PCDHA8: variants seen among roughly 807,000 people sequenced by gnomAD.
The protein encoded by PCDHA8 is protocadherin alpha 8.
A neutral mutation model predicts 61.8 loss-of-function variants in PCDHA8; 53 were observed. The observed-to-expected ratio is 0.86, with a 90% CI of 0.69 to 1.08. The LOEUF (loss-of-function observed/expected upper bound fraction) is 1.08. PCDHA8 is among the 50% of genes least tolerant of loss of function. The pLI is 0.00. For synonymous variants in PCDHA8, 618 were observed against 556.6 expected, an observed-to-expected ratio of 1.11 and a Z score of -1.55; for missense variants, 1,293 against 1,245.0, an observed-to-expected ratio of 1.04 and a Z score of -0.58.
intron 1 of PCDHA8, among the ~76,000 whole-genome samples, chr5:140,965,125 C>A (rs571083058): frequency 6.6e-6 from 1 of 152,308 alleles, no homozygotes; most frequent in Non-Finnish European, 1.5e-5. Context: ...GGAAGATCTA[C>A]AGATGACAGA....
In PCDHA8 at chr5:141,010,555, C is replaced by CTG; in HGVS notation, c.*618_*619insTG. 2 of 321,156 alleles carry CTG rather than the reference C, an allele frequency of 6.2e-6. No homozygotes were observed. The highest frequency in any genetic ancestry group is 1.1e-4 in the South Asian group (2 of 18,704). 19.9% of individuals were successfully genotyped at this position (321,156 alleles called of 1,614,324 possible). On this transcript the variant is annotated 3_prime_UTR_variant, in exon 4 of 4. Coordinates refer to ENST00000531613, the MANE Select transcript of PCDHA8 (RefSeq NM_018911.3). ...ACCCTCTAGGAGACAAAACTACCCCCACTGACAAGGCTTTAGGAGACCCTA... is the reference window on the plus strand; with the variant it reads ...ACCCTCTAGGAGACAAAACTACCCCCTGACTGACAAGGCTTTAGGAGACCCTA...
chr5:140,877,206 C>T (rs782807049), intron 1 of PCDHA8: 3 of 1,613,650 alleles, frequency 1.9e-6, no homozygotes, highest in African/African-American at 2.7e-5. Flanking sequence ...GCGCAGTTAG[C>T]GAGTTGGTAC....
chr5:141,010,052 A>G lies in PCDHA8; in HGVS notation c.*115A>G. The stretch of plus-strand genomic sequence containing the variant: ...CTACATGAGCCCTCTTAGAGACCTC[A>G]GAAATCTGCAGAAAGTTCCCTGTGT... On this transcript the variant is annotated 3_prime_UTR_variant, in exon 4 of 4. Coordinates refer to ENST00000531613, the MANE Select transcript of PCDHA8 (RefSeq NM_018911.3). The G allele has an allele frequency of 1.3e-6, 2 of 1,598,970 alleles. No homozygotes were observed. Among genetic ancestry groups the G allele is most frequent in the Non-Finnish European group, 1.7e-6 (2 of 1,172,814 alleles).
At chr5:140,882,343 G>T (rs1554173636) in intron 1 of PCDHA8, 1 of 1,614,198 alleles carries the variant, frequency 6.2e-7, no homozygotes, top group Admixed American at 1.7e-5. Context: ...CAGCCTGGGA[G>T]ACGGGTAGTG....
intron 1 of PCDHA8, chr5:140,870,699 C>T (rs1160091003): frequency 6.2e-7 from 1 of 1,613,004 alleles, no homozygotes. Flanking sequence ...TGCTACAGTT[C>T]CAGGTGAGCG....
intron 1 of PCDHA8, among the ~76,000 whole-genome samples, chr5:140,932,231 A>G (rs2088135026): frequency 6.6e-6 from 1 of 151,848 alleles, no homozygotes; most frequent in African/African-American, 2.4e-5. Context: ...AATTTTTTAG[A>G]ATGGTATCTA....
Position 140,982,561 on chromosome 5 carries a change from C to T in PCDHA8, c.2540C>T (p.Pro847Leu), listed in dbSNP as rs560422677. 11 of 1,614,060 alleles carry T rather than the reference C, an allele frequency of 6.8e-6. No individual in the cohort carries two copies. Among genetic ancestry groups the T allele is most frequent in the Non-Finnish European group, 9.3e-6 (11 of 1,179,970 alleles). Residue 847 changes from proline to leucine, a missense_variant and splice_region_variant, in exon 3 of 4, where the codon CCA becomes CTA. Pro to Leu is a moderately conservative substitution (Grantham distance 98). Coordinates refer to ENST00000531613, the MANE Select transcript of PCDHA8 (RefSeq NM_018911.3). Reference protein sequence around the residue: ...QQWPTVSSATPEPEAGEVSPP... With the variant: ...QQWPTVSSATLEPEAGEVSPP... ...TGGCCAACAGTATCCAGTGCAACAC[C>T]AGGTAAAGAGCTGGGGTCTCTCCAT...
At chr5:140,847,907 G>A (rs1382630949) in intron 1 of PCDHA8, 1 of 149,326 alleles carries the variant, frequency 6.7e-6, no homozygotes, top group Non-Finnish European at 1.5e-5. Flanking sequence ...TAGATTTCTG[G>A]GCTCCTATAT....
rs1554262683 is a variant in PCDHA8 at position 141,010,108 on chromosome 5, G to A, written c.*171G>A. 23 of 1,611,296 alleles carry A rather than the reference G, an allele frequency of 1.4e-5. No homozygotes were observed. Among genetic ancestry groups the A allele is most frequent in the East Asian group, 4.5e-5 (2 of 44,852 alleles). On this transcript the variant is annotated 3_prime_UTR_variant, in exon 4 of 4. Transcript: ENST00000531613. ...TAGAACGCATTTAACAGGTTTTGTC[G>A]TAAAAGCTTTACTAAGTCTGGTGTT...
At chr5:141,006,678 T>C (rs1554260866) in intron 3 of PCDHA8, among the ~76,000 whole-genome samples, 1 of 151,754 alleles carries the variant, frequency 6.6e-6, no homozygotes, top group Non-Finnish European at 1.5e-5. Flanking sequence ...GCAGTGAAAA[T>C]TGGGAGAAGA....
chr5:140,968,966 T>C (rs781901506), intron 1 of PCDHA8: 1 of 1,614,216 alleles, frequency 6.2e-7, no homozygotes, highest in East Asian at 2.2e-5. Context: ...GTGCTACCGC[T>C]ACACTGCGTA....
intron 3 of PCDHA8, among the ~76,000 whole-genome samples, chr5:141,003,751 T>G (rs3822342): frequency 0.05 from 7,683 of 152,316 alleles, 243 homozygotes; most frequent in South Asian, 0.11. Flanking sequence ...ATATTTTGTA[T>G]AATTATGGTC....
At chr5:140,974,240 A>G (rs1554235899) in intron 1 of PCDHA8, among the ~76,000 whole-genome samples, 1 of 152,188 alleles carries the variant, frequency 6.6e-6, no homozygotes, top group African/African-American at 2.4e-5. Context: ...CTTGGCATAT[A>G]AGCACCATCA....
chr5:141,009,563 C>T (rs1588242901), intron 3 of PCDHA8, 64 bp from the exon 4 acceptor site: 2 of 1,571,920 alleles, frequency 1.3e-6, no homozygotes, highest in Non-Finnish European at 1.7e-6. Flanking sequence ...TGTACTCTAC[C>T]AGCAGTGTGG....
At chr5:140,850,244 G>A (rs2150475347) in intron 1 of PCDHA8, 2 of 1,593,676 alleles carry the variant, frequency 1.3e-6, no homozygotes, top group East Asian at 2.2e-5. Flanking sequence ...TGGTGCTGCG[G>A]TCGGTGGGCG....
rs2150375246 is a variant in PCDHA8, at chr5:140,844,933, C to T, written c.2394+1218C>T. Among the ~76,000 whole-genome samples the T allele has an allele frequency of 2.7e-5, 4 of 149,222 alleles. 1 individual carries two copies. Among genetic ancestry groups the T allele is most frequent in the Admixed American group, 6.7e-5 (1 of 14,882 alleles). ...GTAGAAATTGATGGAAGGGAATGAA[C>T]GATTTCTGGGACTCTGAATTCTTAC... On this transcript the variant is annotated intron_variant, in intron 1 of 3. Transcript: ENST00000531613.
chr5:140,860,551 GA>G (rs781917307), intron 1 of PCDHA8: 4 of 152,042 alleles, frequency 2.6e-5, no homozygotes, highest in Non-Finnish European at 5.9e-5. Context: ...ACCCACCTTT[GA>G]AGAGGTACTG....
chr5:140,877,661 G>C, intron 1 of PCDHA8: 1 of 1,613,572 alleles, frequency 6.2e-7, no homozygotes. Flanking sequence ...CCCACCGTGA[G>C]CCGGTGCGCG....
At chr5:140,849,922 CG>C (rs1376450485) in intron 1 of PCDHA8, 3 of 1,598,214 alleles carry the variant, frequency 1.9e-6, no homozygotes, top group Non-Finnish European at 2.6e-6. Context: ...CACATCTTCA[CG>C]GTGTCTGCGC....
Sources: allele counts gnomAD v4.1 joint callset (sites outside exome capture counted in the v4.1 genomes callset), GRCh38; gene constraint gnomAD v4.1.1; transcripts MANE v1.5; gene names NCBI Gene and HGNC (gene_info 2026-07-23, HGNC 2026-07-21).